Variants in SLC10A7 observed in about 807,000 individuals in gnomAD.
The protein encoded by SLC10A7 is sodium/bile acid cotransporter 7.
A neutral mutation model predicts 43.2 loss-of-function variants in SLC10A7; 29 were observed. The observed-to-expected ratio is 0.67, with a 90% CI of 0.50 to 0.92. The LOEUF is 0.92. Among genes scored for constraint, SLC10A7 ranks in the 40% least tolerant of loss-of-function variants. The probability of loss-of-function intolerance (pLI) is 0.00; values close to 1 mark genes in which losing one functional copy is unlikely to be tolerated. For synonymous variants in SLC10A7, 152 were observed against 144.8 expected (o/e 1.05, Z -0.35); for missense variants, 295 against 403.2 (o/e 0.73, Z 2.30).
At chr4:146,283,673 C>T (rs984940340) in intron 9 of SLC10A7, among the ~76,000 whole-genome samples, 2 of 152,098 alleles carry the variant, frequency 1.3e-5, no homozygotes, top group Non-Finnish European at 1.5e-5. Context: ...AGCAAACACA[C>T]ACTTAAGAAT....
At chr4:146,284,941 G>A (rs1036601626) in intron 9 of SLC10A7, among the ~76,000 whole-genome samples, 1 of 152,178 alleles carries the variant, frequency 6.6e-6, no homozygotes, top group Non-Finnish European at 1.5e-5. Flanking sequence ...ATCACCTCTA[G>A]CTTGGCAGGG....
At chr4:146,401,948 T>A (rs1163705336) in intron 5 of SLC10A7, among the ~76,000 whole-genome samples, 1 of 152,202 alleles carries the variant, frequency 6.6e-6, no homozygotes, top group African/African-American at 2.4e-5. Flanking sequence ...AGGTATTAAA[T>A]CTGTTTCAAA....
At chr4:146,515,695 A>T (rs1737885726) in intron 2 of SLC10A7, among the ~76,000 whole-genome samples, 1 of 152,116 alleles carries the variant, frequency 6.6e-6, no homozygotes, top group Non-Finnish European at 1.5e-5. Flanking sequence ...GAATCATTTG[A>T]GGTCAGGAGT....
chr4:146,395,376 C>G (rs920503183), intron 5 of SLC10A7, among the ~76,000 whole-genome samples: 3 of 152,092 alleles, frequency 2.0e-5, no homozygotes, highest in Non-Finnish European at 2.9e-5. Flanking sequence ...GGTAACAGAG[C>G]AAAACACTGT....
At chr4:146,453,226 G>T (rs770632404) in intron 4 of SLC10A7, among the ~76,000 whole-genome samples, 1 of 151,812 alleles carries the variant, frequency 6.6e-6, no homozygotes, top group African/African-American at 2.4e-5. Context: ...CTCAATTCAG[G>T]TAAGGAAAAA....
At chr4:146,395,707 A>G (rs1303786832) in intron 5 of SLC10A7, among the ~76,000 whole-genome samples, 1 of 152,102 alleles carries the variant, frequency 6.6e-6, no homozygotes, top group Non-Finnish European at 1.5e-5. Context: ...AATGAAAACC[A>G]AAACGAGTAT....
intron 10 of SLC10A7, among the ~76,000 whole-genome samples, chr4:146,262,345 AT>A (rs144346419): frequency 0.021 from 3,217 of 152,272 alleles, 118 homozygotes; most frequent in African/African-American, 0.074. Context: ...TCTCTAAGGC[AT>A]CTTTGCTGTT....
At chr4:146,411,886 A>G (rs1027739559) in intron 5 of SLC10A7, among the ~76,000 whole-genome samples, 1 of 152,202 alleles carries the variant, frequency 6.6e-6, no homozygotes, top group African/African-American at 2.4e-5. Flanking sequence ...TCAAGTGCAG[A>G]TGAAAGGAAG....
chr4:146,510,322 C>T (rs930844088), intron 2 of SLC10A7, among the ~76,000 whole-genome samples: 30 of 150,556 alleles, frequency 2.0e-4, no homozygotes, highest in African/African-American at 7.1e-4. Context: ...TACAGTGGCG[C>T]GATCTTGGCT....
chr4:146,382,725 A>G (rs1737714936), intron 5 of SLC10A7, among the ~76,000 whole-genome samples: 1 of 152,172 alleles, frequency 6.6e-6, no homozygotes, highest in African/African-American at 2.4e-5. Context: ...CAGAATCCAG[A>G]GATTAAAAGT....
chr4:146,385,539 C>T (rs1737931087), intron 5 of SLC10A7, among the ~76,000 whole-genome samples: 1 of 152,056 alleles, frequency 6.6e-6, no homozygotes, highest in Non-Finnish European at 1.5e-5. Flanking sequence ...TTATTGATTA[C>T]AGATGTTTCT....
intron 5 of SLC10A7, among the ~76,000 whole-genome samples, chr4:146,333,225 C>T (rs1305360781): frequency 6.6e-6 from 1 of 152,066 alleles, no homozygotes; most frequent in Non-Finnish European, 1.5e-5. Context: ...GTCTTCTACA[C>T]TTATATTAAA....
At chr4:146,364,704 C>T (rs1198316988) in intron 5 of SLC10A7, among the ~76,000 whole-genome samples, 2 of 151,968 alleles carry the variant, frequency 1.3e-5, no homozygotes, top group Admixed American at 6.6e-5. Flanking sequence ...TAAGACCTAG[C>T]GTTCAGTAGC....
intron 5 of SLC10A7, among the ~76,000 whole-genome samples, chr4:146,419,552 A>C (rs1177808041): frequency 6.6e-6 from 1 of 152,136 alleles, no homozygotes; most frequent in Non-Finnish European, 1.5e-5. Context: ...ATCACAATTA[A>C]AGGCCAGGCA....
chr4:146,268,810 G>A (rs1362372396), intron 10 of SLC10A7, among the ~76,000 whole-genome samples: 1 of 152,186 alleles, frequency 6.6e-6, no homozygotes, highest in Non-Finnish European at 1.5e-5. Flanking sequence ...TCCTCTGCAT[G>A]CTATGTGCCT....
intron 4 of SLC10A7, among the ~76,000 whole-genome samples, chr4:146,488,957 C>T (rs957647633): frequency 3.0e-4 from 45 of 152,152 alleles, no homozygotes; most frequent in Non-Finnish European, 1.2e-4. Flanking sequence ...TGTCCCTCAT[C>T]TATGCCAAAC....
At chr4:146,374,805 A>G (rs1737067973) in intron 5 of SLC10A7, among the ~76,000 whole-genome samples, 1 of 152,198 alleles carries the variant, frequency 6.6e-6, no homozygotes, top group Non-Finnish European at 1.5e-5. Context: ...TTCTCAGAAG[A>G]TGCATGACAT....
intron 4 of SLC10A7, 106 bp from the exon 5 acceptor site, chr4:146,442,927 A>G (rs1560911411): frequency 2.5e-6 from 2 of 812,980 alleles, no homozygotes; most frequent in Non-Finnish European, 1.9e-6. Flanking sequence ...ACCTTAAAAC[A>G]TTGACTCTAT....
Position 146,521,745 on chromosome 4 carries a change from ATTTG to A in SLC10A7, c.-32_-29del. ...TTGTTAGGGTGGGTGGGTTTTGTTT[ATTTG>A]TTTGGCTTTTTTTCTTTTCAAGCTC... On this transcript the variant is annotated 5_prime_UTR_variant, in exon 1 of 12. The change creates a premature stop within an existing upstream ORF in the 5' untranslated region. Transcript: ENST00000335472. 1 of 1,588,472 alleles carries A rather than the reference ATTTG, an allele frequency of 6.3e-7. No homozygotes were observed. The highest frequency in any genetic ancestry group is 8.6e-7 in the Non-Finnish European group (1 of 1,157,860).
Sources: allele counts gnomAD v4.1 joint callset (sites outside exome capture counted in the v4.1 genomes callset), GRCh38; gene constraint gnomAD v4.1.1; transcripts MANE v1.5; gene names NCBI Gene and HGNC (gene_info 2026-07-23, HGNC 2026-07-21).